Variants in MOB1B observed in about 807,000 individuals in gnomAD.
MOB1B encodes MOB kinase activator 1B, also known as MOB1 Mps One Binder homolog B.
MOB1B carries 19 observed loss-of-function variants against 24.4 expected under a neutral mutation model. The ratio of observed to expected loss-of-function variants is 0.78; its 90% confidence interval spans 0.54 to 1.14. MOB1B has a LOEUF of 1.14. MOB1B is among the 50% of genes most tolerant of loss of function. The probability of loss-of-function intolerance (pLI) is 0.00; values close to 1 mark genes in which losing one functional copy is unlikely to be tolerated. For synonymous variants in MOB1B, 76 were observed against 82.1 expected (o/e 0.93, Z 0.40); for missense variants, 243 against 259.6 (o/e 0.94, Z 0.44).
At chr4:70,970,478 T>A (rs1312636490) in intron 3 of MOB1B, among the ~76,000 whole-genome samples, 1 of 152,256 alleles carries the variant, frequency 6.6e-6, no homozygotes, top group African/African-American at 2.4e-5. Context: ...TTATATTTCT[T>A]ACACTATTCA....
At chr4:70,979,324 G>A in intron 5 of MOB1B, 33 bp downstream of exon 5, 1 of 1,559,636 alleles carries the variant, frequency 6.4e-7, no homozygotes, top group Non-Finnish European at 8.8e-7. Context: ...TGGTGCTCAG[G>A]GTAAGCATTT....
At chr4:70,931,168 T>C (rs1736877408) in intron 1 of MOB1B, among the ~76,000 whole-genome samples, 3 of 152,172 alleles carry the variant, frequency 2.0e-5, no homozygotes. Context: ...ATTGGTGATC[T>C]GAAAGATCTG....
chr4:70,976,753 C>CATATATACATATATATAT (rs1553939768), intron 4 of MOB1B: 1 of 181,636 alleles, frequency 5.5e-6, no homozygotes, highest in African/African-American at 3.1e-5. Flanking sequence ...GACTGAATTA[C>CATATATACATATATATAT]ATATATATAT....
intron 1 of MOB1B, among the ~76,000 whole-genome samples, chr4:70,923,270 T>C (rs1736509703): frequency 6.6e-6 from 1 of 152,110 alleles, no homozygotes; most frequent in Non-Finnish European, 1.5e-5. Context: ...AGCATCCTCT[T>C]TGGGGAGGCT....
chr4:70,969,785 C>G, intron 2 of MOB1B, 146 bp from the exon 3 acceptor site: 1 of 373,152 alleles, frequency 2.7e-6, no homozygotes, highest in Non-Finnish European at 4.8e-6. Flanking sequence ...CTCCTCATTT[C>G]AATGTATTGA....
chr4:70,935,659 CT>C (rs201307780), intron 1 of MOB1B, among the ~76,000 whole-genome samples: 69 of 146,366 alleles, frequency 4.7e-4, no homozygotes, highest in East Asian at 2.0e-3. Flanking sequence ...CCATTATACT[CT>C]TTTTTTTTTT....
chr4:70,960,934 T>C (rs1738278067), intron 2 of MOB1B, among the ~76,000 whole-genome samples: 1 of 152,212 alleles, frequency 6.6e-6, no homozygotes, highest in Non-Finnish European at 1.5e-5. Flanking sequence ...TTTCTGTCTG[T>C]ATTCTGTCTC....
At chr4:70,936,152 G>A (rs1426566728) in intron 1 of MOB1B, among the ~76,000 whole-genome samples, 1 of 151,596 alleles carries the variant, frequency 6.6e-6, no homozygotes. Context: ...CGCCCGGCCG[G>A]TACACTAATT....
chr4:70,907,579 C>G (rs1403255668), intron 1 of MOB1B, among the ~76,000 whole-genome samples: 1 of 152,052 alleles, frequency 6.6e-6, no homozygotes, highest in Non-Finnish European at 1.5e-5. Context: ...GCCTATAACC[C>G]CAGCACTTTG....
chr4:70,917,491 G>A (rs1736239991), intron 1 of MOB1B, among the ~76,000 whole-genome samples: 1 of 152,146 alleles, frequency 6.6e-6, no homozygotes, highest in South Asian at 2.1e-4. Context: ...GGATTCAAAT[G>A]GGTGCACAGT....
intron 1 of MOB1B, among the ~76,000 whole-genome samples, chr4:70,925,647 C>A (rs1736619559): frequency 6.6e-6 from 1 of 152,020 alleles, no homozygotes. Flanking sequence ...GATTTCGGGT[C>A]CTAATCATTG....
At chr4:70,929,151 ATTTCTTTTCTTCTT>A (rs780109085) in intron 1 of MOB1B, among the ~76,000 whole-genome samples, 28 of 142,832 alleles carry the variant, frequency 2.0e-4, no homozygotes, top group Non-Finnish European at 4.0e-4. Context: ...TGTCCCCTGT[ATTTCTTTTCTTCTT>A]TTTCTTTTCT....
chr4:70,980,227 A>G (rs1739148238), intron 5 of MOB1B, among the ~76,000 whole-genome samples: 1 of 152,186 alleles, frequency 6.6e-6, no homozygotes, highest in African/African-American at 2.4e-5. Flanking sequence ...TAACTTGCCA[A>G]AACTGTTGCT....
intron 3 of MOB1B, among the ~76,000 whole-genome samples, chr4:70,971,473 C>T (rs1738749262): frequency 6.7e-6 from 1 of 149,994 alleles, no homozygotes. Context: ...TGTGTGTACT[C>T]CAGCCTGAAT....
chr4:70,909,050 CAA>C (rs746664159), intron 1 of MOB1B, among the ~76,000 whole-genome samples: 19 of 85,698 alleles, frequency 2.2e-4, no homozygotes, highest in Admixed American at 4.1e-4. Context: ...GACTCCATCT[CAA>C]AAAAAAAAAA....
chr4:70,946,363 T>C (rs771939513), intron 1 of MOB1B, among the ~76,000 whole-genome samples: 1 of 152,208 alleles, frequency 6.6e-6, no homozygotes, highest in Non-Finnish European at 1.5e-5. Context: ...ACGCATTCCG[T>C]TATGTTTCAG....
At chr4:70,974,429 T>G (rs1738894487) in intron 3 of MOB1B, among the ~76,000 whole-genome samples, 1 of 152,192 alleles carries the variant, frequency 6.6e-6, no homozygotes, top group Non-Finnish European at 1.5e-5. Flanking sequence ...ACACTGTTTT[T>G]ACATCTTCAC....
At chr4:70,921,340 G>C (rs902389882) in intron 1 of MOB1B, among the ~76,000 whole-genome samples, 7 of 152,100 alleles carry the variant, frequency 4.6e-5, no homozygotes, top group Non-Finnish European at 1.0e-4. Flanking sequence ...ATGCAAAACA[G>C]TAAACATAAT....
intron 3 of MOB1B, among the ~76,000 whole-genome samples, chr4:70,971,529 TA>T (rs1738754681): frequency 6.6e-6 from 1 of 151,816 alleles, no homozygotes; most frequent in Non-Finnish European, 1.5e-5. Flanking sequence ...AAAAGTAATT[TA>T]AAGACATAGG....
Sources: allele counts gnomAD v4.1 joint callset (sites outside exome capture counted in the v4.1 genomes callset), GRCh38; gene constraint gnomAD v4.1.1; transcripts MANE v1.5; gene names NCBI Gene and HGNC (gene_info 2026-07-23, HGNC 2026-07-21).